Variants in CNTNAP2 observed in about 807,000 individuals in gnomAD.
CNTNAP2 encodes contactin associated protein 2.
Under a neutral mutation model 155.2 loss-of-function variants are expected in CNTNAP2, and 98 were observed. The observed-to-expected ratio is 0.63, with a 90% confidence interval of 0.54 to 0.75. The LOEUF is 0.75. Ranked by LOEUF, CNTNAP2 falls within the 30% of genes least tolerant of loss-of-function variation. CNTNAP2 has a pLI of 0.00. For synonymous variants in CNTNAP2, 651 were observed against 631.2 expected (o/e 1.03, Z -0.47); for missense variants, 1,727 against 1,688.1 (o/e 1.02, Z -0.40).
intron 15 of CNTNAP2, among the ~76,000 whole-genome samples, chr7:148,004,620 C>T (rs1278403897): frequency 6.6e-6 from 1 of 152,096 alleles, no homozygotes; most frequent in East Asian, 1.9e-4. Flanking sequence ...TCTCATAAGA[C>T]AACAAATGAC....
At chr7:147,118,522 T>C (rs931576848) in intron 5 of CNTNAP2, among the ~76,000 whole-genome samples, 3 of 152,168 alleles carry the variant, frequency 2.0e-5, no homozygotes, top group African/African-American at 7.2e-5. Context: ...ATATATGCAG[T>C]CATGTGTCAC....
intron 21 of CNTNAP2, among the ~76,000 whole-genome samples, chr7:148,288,106 C>CT (rs1277628866): frequency 7.2e-4 from 70 of 97,184 alleles, no homozygotes; most frequent in Admixed American, 1.4e-3. Flanking sequence ...TTTTTCTTTT[C>CT]TTTTTTTTTT....
At chr7:147,401,967 A>T (rs1445488782) in intron 10 of CNTNAP2, among the ~76,000 whole-genome samples, 1 of 152,226 alleles carries the variant, frequency 6.6e-6, no homozygotes, top group Non-Finnish European at 1.5e-5. Flanking sequence ...ATGAGTTTCT[A>T]CAAAAGCAGG....
chr7:146,761,447 A>G (rs904010205), intron 1 of CNTNAP2, among the ~76,000 whole-genome samples: 7 of 152,098 alleles, frequency 4.6e-5, no homozygotes, highest in African/African-American at 1.7e-4. Context: ...GGACATGATC[A>G]TTTATCCAAG....
chr7:147,273,458 C>G (rs983766994), intron 8 of CNTNAP2, among the ~76,000 whole-genome samples: 12 of 151,868 alleles, frequency 7.9e-5, no homozygotes, highest in Non-Finnish European at 1.8e-4. Context: ...GCACCCATCA[C>G]CCGAATAGTG....
At chr7:147,267,963 G>T (rs13242774) in intron 8 of CNTNAP2, among the ~76,000 whole-genome samples, 5,244 of 152,184 alleles carry the variant, frequency 0.034, 122 homozygotes, top group Non-Finnish European at 0.052. Context: ...TGGTGTTTGT[G>T]GTTGTGGTGA....
chr7:146,329,365 C>T (rs1301982962), intron 1 of CNTNAP2, among the ~76,000 whole-genome samples: 1 of 152,134 alleles, frequency 6.6e-6, no homozygotes, highest in African/African-American at 2.4e-5. Context: ...ATTATTTCTT[C>T]TTTTCTGTTC....
intron 1 of CNTNAP2, among the ~76,000 whole-genome samples, chr7:146,267,666 G>T (rs184219651): frequency 5.3e-5 from 8 of 152,272 alleles, no homozygotes; most frequent in Admixed American, 5.2e-4. Flanking sequence ...GAATCAGAAA[G>T]ACTTCATCAG....
At chr7:148,319,554 G>C (rs1797753582) in intron 21 of CNTNAP2, among the ~76,000 whole-genome samples, 1 of 152,130 alleles carries the variant, frequency 6.6e-6, no homozygotes, top group South Asian at 2.1e-4. Context: ...GTGAATGGCA[G>C]ACACGCAATT....
intron 16 of CNTNAP2, among the ~76,000 whole-genome samples, chr7:148,120,491 C>A (rs1315759665): frequency 6.6e-6 from 1 of 151,800 alleles, no homozygotes; most frequent in African/African-American, 2.4e-5. Context: ...GGTCTCAAAC[C>A]CCTGGGCTCA....
At chr7:146,721,194 A>G (rs868310477) in intron 1 of CNTNAP2, among the ~76,000 whole-genome samples, 1,968 of 128,592 alleles carry the variant, frequency 0.015, 33 homozygotes, top group East Asian at 0.068. Context: ...TATATTCTCT[A>G]TATATATTCT....
chr7:146,835,891 C>G (rs2129199648), intron 2 of CNTNAP2, among the ~76,000 whole-genome samples: 1 of 152,290 alleles, frequency 6.6e-6, no homozygotes, highest in South Asian at 2.1e-4. Flanking sequence ...ACTGTGAAGA[C>G]ACCTCAGAGT....
intron 16 of CNTNAP2, among the ~76,000 whole-genome samples, chr7:148,143,723 C>T (rs1178952770): frequency 6.6e-6 from 1 of 152,124 alleles, no homozygotes; most frequent in East Asian, 1.9e-4. Flanking sequence ...CAATGTCAGC[C>T]ATGACCCAGG....
intron 1 of CNTNAP2, among the ~76,000 whole-genome samples, chr7:146,669,669 G>C (rs1034130227): frequency 1.1e-4 from 16 of 152,112 alleles, no homozygotes; most frequent in Admixed American, 1.3e-4. Context: ...AGTGCTATAT[G>C]GATCACACTT....
At chr7:146,895,525 A>G (rs1795858577) in intron 3 of CNTNAP2, among the ~76,000 whole-genome samples, 1 of 152,118 alleles carries the variant, frequency 6.6e-6, no homozygotes, top group South Asian at 2.1e-4. Context: ...CTGTAGTTGT[A>G]AAAACATAAC....
At chr7:146,663,295 A>AAAAG (rs1328784126) in intron 1 of CNTNAP2, among the ~76,000 whole-genome samples, 1 of 41,352 alleles carries the variant, frequency 2.4e-5, no homozygotes, top group East Asian at 1.3e-3. Flanking sequence ...AAAAAAAAAA[A>AAAAG]AAAGAAAGAA....
At chr7:148,247,111 A>G (rs1046201719) in intron 20 of CNTNAP2, among the ~76,000 whole-genome samples, 1 of 152,202 alleles carries the variant, frequency 6.6e-6, no homozygotes, top group African/African-American at 2.4e-5. Flanking sequence ...ACTATAATAC[A>G]AACTATAAAC....
At chr7:147,447,144 C>T (rs1233039264) in intron 10 of CNTNAP2, among the ~76,000 whole-genome samples, 3 of 151,904 alleles carry the variant, frequency 2.0e-5, no homozygotes, top group African/African-American at 4.8e-5. Flanking sequence ...AGATAAGGGG[C>T]GCTTATTTCA....
intron 1 of CNTNAP2, among the ~76,000 whole-genome samples, chr7:146,691,137 A>G (rs1323141633): frequency 1.3e-5 from 2 of 152,104 alleles, no homozygotes; most frequent in African/African-American, 4.8e-5. Context: ...TAACCAAACA[A>G]TTTCCGCCAT....
Sources: allele counts gnomAD v4.1 joint callset (sites outside exome capture counted in the v4.1 genomes callset), GRCh38; gene constraint gnomAD v4.1.1; transcripts MANE v1.5; gene names NCBI Gene and HGNC (gene_info 2026-07-23, HGNC 2026-07-21).